The following EIF2AK2 variants were observed in gnomAD, a reference collection of about 807,000 sequenced individuals.
EIF2AK2 encodes the protein interferon-induced, double-stranded RNA-activated protein kinase.
EIF2AK2 carries 40 observed loss-of-function variants against 70.5 expected under a neutral mutation model. The ratio of observed to expected loss-of-function variants is 0.57; its 90% confidence interval spans 0.44 to 0.74. EIF2AK2 has a LOEUF of 0.74. EIF2AK2 is among the 30% of genes least tolerant of loss of function. The probability of loss-of-function intolerance (pLI) is 0.00; values close to 1 mark genes in which losing one functional copy is unlikely to be tolerated. For missense variants in EIF2AK2, 555 were observed against 644.3 expected (o/e 0.86, Z 1.50); for synonymous variants, 198 against 220.9 (o/e 0.90, Z 0.92).
chr2:37,147,583 G>A (rs548289809), intron 3 of EIF2AK2, 105 bp downstream of exon 3: 27 of 668,172 alleles, frequency 4.0e-5, no homozygotes, highest in East Asian at 3.7e-4. Context: ...TTGTCCTTGC[G>A]ATAGTTTGCT....
At chr2:37,135,361 T>A in intron 10 of EIF2AK2, 123 bp downstream of exon 10, 1 of 771,074 alleles carries the variant, frequency 1.3e-6, no homozygotes, top group Non-Finnish European at 2.2e-6. Flanking sequence ...GTTCTTACCC[T>A]GCGTAGTTAA....
chr2:37,147,604 G>C (rs1343115910), intron 3 of EIF2AK2, 84 bp downstream of exon 3: 3 of 885,450 alleles, frequency 3.4e-6, no homozygotes, highest in Non-Finnish European at 5.3e-6. Flanking sequence ...GAGAATAATG[G>C]TTTCCAGCTT....
At chr2:37,149,980 G>A (rs1433860002) in intron 1 of EIF2AK2, among the ~76,000 whole-genome samples, 9 of 152,176 alleles carry the variant, frequency 5.9e-5, no homozygotes, top group African/African-American at 1.7e-4. Flanking sequence ...CACTGGAAGT[G>A]AAATTTGAAT....
chr2:37,124,537 G>A (rs1674667296), intron 11 of EIF2AK2, among the ~76,000 whole-genome samples: 1 of 152,044 alleles, frequency 6.6e-6, no homozygotes, highest in Non-Finnish European at 1.5e-5. Flanking sequence ...GGGATTACAG[G>A]CGTGAGCCAC....
chr2:37,122,482 C>G, intron 12 of EIF2AK2, 24 bp downstream of exon 12: 1 of 1,610,848 alleles, frequency 6.2e-7, no homozygotes, highest in Non-Finnish European at 8.5e-7. Context: ...CCTATTATGG[C>G]TATGAGAATT....
rs1026565547 is a variant in EIF2AK2, at chr2:37,123,377, C to T, written c.909-713G>A. ...AACCTTCTAGCCTCAAACAATTCTC[C>T]CACCTCAGTCTCCTGAGTAGCTGGG... is the stretch of plus-strand genomic sequence containing the variant. On this transcript the variant is annotated intron_variant, in intron 11 of 16. Coordinates refer to ENST00000233057, the MANE Select transcript of EIF2AK2 (RefSeq NM_001135651.3). 1.5e-4 allele frequency among the ~76,000 whole-genome samples: 23 copies of T among 151,848 alleles called. 1 individual carries two copies. The highest frequency in any genetic ancestry group is 1.2e-4 in the Non-Finnish European group (8 of 67,974).
intron 4 of EIF2AK2, among the ~76,000 whole-genome samples, chr2:37,144,322 T>C (rs1316076472): frequency 6.7e-6 from 1 of 149,756 alleles, no homozygotes; most frequent in Non-Finnish European, 1.5e-5. Flanking sequence ...ATATATTTAC[T>C]ATACTTTTTT....
chr2:37,141,571 C>G lies in EIF2AK2; in HGVS notation c.371G>C (p.Gly124Ala). The G allele has an allele frequency of 6.2e-7, 1 of 1,613,660 alleles. No individual in the cohort carries two copies. Among genetic ancestry groups the G allele is most frequent in the Non-Finnish European group, 8.5e-7 (1 of 1,179,898 alleles). The change falls in exon 5 of 17, where the codon GGG becomes GCG. Residue 124 changes from glycine to alanine, a missense_variant. Coordinates refer to ENST00000233057, the MANE Select transcript of EIF2AK2 (RefSeq NM_001135651.3). ...LTVNYEQCAS[G>A]VHGPEGFHYK... ...GTCTTACCCTTCTGGCCCATGCACC[C>G]CCGATGCACACTGTTCATAATTTAC...
intron 10 of EIF2AK2, among the ~76,000 whole-genome samples, chr2:37,130,711 G>A (rs997078269): frequency 3.3e-5 from 5 of 152,184 alleles, no homozygotes; most frequent in African/African-American, 1.2e-4. Flanking sequence ...CACCTGGACT[G>A]TCTTCCCCCA....
In EIF2AK2 at chr2:37,101,971, G is replaced by A. The variant is rs1262477183; in HGVS notation, c.*5302C>T. On this transcript the variant is annotated 3_prime_UTR_variant, in exon 17 of 17. Transcript: ENST00000233057. ...GATTTACTTTAAAATATTCCAGTAG[G>A]GCCGGATATTGTAATCCCAGCAGTT... is the stretch of plus-strand genomic sequence containing the variant. The A allele has an allele frequency of 6.6e-6, 1 of 152,078 alleles. No homozygotes were observed. The highest frequency in any genetic ancestry group is 1.9e-4 in the East Asian group (1 of 5,190). 9.4% of individuals were successfully genotyped at this position (152,078 alleles called of 1,614,324 possible).
intron 1 of EIF2AK2, among the ~76,000 whole-genome samples, chr2:37,150,155 A>T (rs956961228): frequency 2.6e-5 from 4 of 151,946 alleles, no homozygotes; most frequent in African/African-American, 9.7e-5. Context: ...AAAAAAAAAA[A>T]AACAAACTTC....
intron 4 of EIF2AK2, among the ~76,000 whole-genome samples, chr2:37,146,138 A>G (rs925339382): frequency 2.2e-4 from 34 of 152,104 alleles, no homozygotes; most frequent in Non-Finnish European, 4.1e-4. Context: ...TTGTGTTACA[A>G]TTGGCTACAG....
chr2:37,141,566 G>A lies in EIF2AK2; in HGVS notation c.376C>T (p.His126Tyr). Reference protein sequence around the residue: ...VNYEQCASGVHGPEGFHYKCK... With the variant: ...VNYEQCASGVYGPEGFHYKCK... ...ATTATGTCTTACCCTTCTGGCCCAT[G>A]CACCCCCGATGCACACTGTTCATAA... Residue 126 changes from histidine (H) to tyrosine (Y), a missense_variant, in exon 5 of 17, where the codon CAT (histidine) becomes TAT (tyrosine). His to Tyr is a moderately conservative substitution (Grantham distance 83). This residue lies in a region of EIF2AK2 where 208 missense variants were observed against 191.8 expected (regional missense o/e 1.08). Coordinates refer to ENST00000233057, the MANE Select transcript of EIF2AK2 (RefSeq NM_001135651.3). 6.2e-7 allele frequency: 1 copy of A among 1,613,032 alleles called. No homozygotes were observed. The highest frequency in any genetic ancestry group is 8.5e-7 in the Non-Finnish European group (1 of 1,179,802).
In EIF2AK2 at chr2:37,107,544, T is replaced by C; in HGVS notation, c.1480-17A>G. The C allele has an allele frequency of 6.2e-7, 1 of 1,606,572 alleles. No individual in the cohort carries two copies. The highest frequency in any genetic ancestry group is 8.5e-7 in the Non-Finnish European group (1 of 1,177,416). On this transcript the variant is annotated splice_polypyrimidine_tract_variant and intron_variant, in intron 15 of 16. Coordinates refer to ENST00000233057, the MANE Select transcript of EIF2AK2 (RefSeq NM_001135651.3). ...TGTGAAAAACTGGAAAAAAAAATGA[T>C]AGGTGTATATTAGGAAATTATTTAC...
In EIF2AK2 at chr2:37,110,415, G is replaced by GA. The variant is rs905731870; in HGVS notation, c.1378-1121dup. Among the ~76,000 whole-genome samples, 154 of 149,238 alleles carry GA rather than the reference G, an allele frequency of 1.0e-3. 1 individual carries two copies. Among genetic ancestry groups the GA allele is most frequent in the Middle Eastern group, 3.4e-3 (1 of 290 alleles). ...CCAGCCAACAAAAGGTTTTTAAATGGAAAAAAAAACCACACACACATAATA... is the reference window on the plus strand; with the variant it reads ...CCAGCCAACAAAAGGTTTTTAAATGGAAAAAAAAAACCACACACACATAATA... On this transcript the variant is annotated intron_variant, in intron 14 of 16. Transcript: ENST00000233057.
At chr2:37,143,161 G>A (rs1480257975) in intron 4 of EIF2AK2, among the ~76,000 whole-genome samples, 2 of 151,086 alleles carry the variant, frequency 1.3e-5, no homozygotes, top group Non-Finnish European at 2.9e-5. Context: ...ATGGGAGGCG[G>A]AGGTTGCAGT....
At chr2:37,133,219 G>A (rs1369333280) in intron 10 of EIF2AK2, among the ~76,000 whole-genome samples, 4 of 151,956 alleles carry the variant, frequency 2.6e-5, no homozygotes, top group Admixed American at 6.6e-5. Context: ...CTAAAAATTC[G>A]GGCACTCTCA....
chr2:37,127,557 A>C (rs1674785883), intron 10 of EIF2AK2, among the ~76,000 whole-genome samples: 1 of 151,410 alleles, frequency 6.6e-6, no homozygotes, highest in Non-Finnish European at 1.5e-5. Context: ...CTTTCACATC[A>C]CCTTTTCCAT....
chr2:37,111,671 T>C (rs1468587523), intron 14 of EIF2AK2, among the ~76,000 whole-genome samples: 2 of 150,118 alleles, frequency 1.3e-5, no homozygotes, highest in African/African-American at 4.9e-5. Context: ...CTAGGCAACA[T>C]GGTGAAACCC....
Sources: allele counts gnomAD v4.1 joint callset (sites outside exome capture counted in the v4.1 genomes callset), GRCh38; gene constraint gnomAD v4.1.1; regional missense constraint gnomAD v4.1.1; transcripts MANE v1.5; gene names NCBI Gene and HGNC (gene_info 2026-07-23, HGNC 2026-07-21).